FSTL5: variants seen among roughly 807,000 people sequenced by gnomAD.
The protein encoded by FSTL5 is follistatin-related protein 5.
Under a neutral mutation model 89.1 loss-of-function variants are expected in FSTL5, and 62 were observed. That is an observed-to-expected ratio of 0.70 (90% CI 0.57 to 0.86). The LOEUF is 0.86. Among genes scored for constraint, FSTL5 ranks in the 40% least tolerant of loss-of-function variants. The pLI, the probability that FSTL5 is intolerant of heterozygous loss-of-function variation, is 0.00. For synonymous variants in FSTL5, 383 were observed against 346.2 expected (o/e 1.11, Z -1.18); for missense variants, 1,057 against 1,001.6 (o/e 1.06, Z -0.75).
At chr4:161,800,401 G>A (rs1729755465) in intron 4 of FSTL5, among the ~76,000 whole-genome samples, 1 of 151,556 alleles carries the variant, frequency 6.6e-6, no homozygotes, top group Admixed American at 6.6e-5. Context: ...TTCACCACAT[G>A]GCCTGGCCAA....
At chr4:161,748,724 G>C (rs971832697) in intron 6 of FSTL5, among the ~76,000 whole-genome samples, 1 of 146,220 alleles carries the variant, frequency 6.8e-6, no homozygotes, top group Non-Finnish European at 1.5e-5. Flanking sequence ...ACTAAAATAA[G>C]ATTATTTTAA....
intron 3 of FSTL5, among the ~76,000 whole-genome samples, chr4:161,970,595 ATGC>A (rs1476200164): frequency 6.6e-6 from 1 of 152,100 alleles, no homozygotes; most frequent in African/African-American, 2.4e-5. Flanking sequence ...AAAAAGTAAA[ATGC>A]TGCCTTATGG....
intron 5 of FSTL5, among the ~76,000 whole-genome samples, chr4:161,772,858 A>G (rs7694382): frequency 0.21 from 31,861 of 152,078 alleles, 6,138 homozygotes; most frequent in African/African-American, 0.51. Flanking sequence ...AAAAATTCAT[A>G]TGGAACCAAA....
chr4:161,790,858 A>C (rs1191788443), intron 4 of FSTL5, among the ~76,000 whole-genome samples: 1 of 152,152 alleles, frequency 6.6e-6, no homozygotes, highest in Non-Finnish European at 1.5e-5. Context: ...TAACATTCTA[A>C]AGAAAGGAGC....
intron 6 of FSTL5, among the ~76,000 whole-genome samples, chr4:161,741,408 A>C (rs1740024002): frequency 2.6e-5 from 4 of 152,110 alleles, no homozygotes; most frequent in Admixed American, 1.3e-4. Context: ...TTAAAGGTAG[A>C]GGGTTGAGCC....
At chr4:161,777,363 A>C (rs1197921004) in intron 4 of FSTL5, among the ~76,000 whole-genome samples, 1 of 151,964 alleles carries the variant, frequency 6.6e-6, no homozygotes, top group East Asian at 1.9e-4. Context: ...ATAAGAGTGC[A>C]GATATCTCTT....
At chr4:161,402,485 C>T (rs1011060594) in intron 15 of FSTL5, among the ~76,000 whole-genome samples, 23 of 152,116 alleles carry the variant, frequency 1.5e-4, no homozygotes, top group African/African-American at 5.6e-4. Flanking sequence ...CTATAGATTA[C>T]ATAACTCCTT....
At chr4:161,798,383 G>A (rs1729696420) in intron 4 of FSTL5, among the ~76,000 whole-genome samples, 1 of 151,226 alleles carries the variant, frequency 6.6e-6, no homozygotes, top group Admixed American at 6.6e-5. Flanking sequence ...ACTTAATATG[G>A]AAAGTTTATC....
At chr4:161,875,151 C>A (rs1732401699) in intron 4 of FSTL5, among the ~76,000 whole-genome samples, 1 of 152,104 alleles carries the variant, frequency 6.6e-6, no homozygotes, top group African/African-American at 2.4e-5. Flanking sequence ...GGAATATATT[C>A]TTTTATTTGG....
At position 161,455,039 on chromosome 4, in the gene FSTL5, G is replaced by A. The variant is rs1733302945; in HGVS notation, c.1806C>T (p.Phe602=). 2 of 1,613,470 alleles carry A rather than the reference G, an allele frequency of 1.2e-6. No individual in the cohort carries two copies. Among genetic ancestry groups the A allele is most frequent in the Non-Finnish European group, 1.7e-6 (2 of 1,179,694 alleles). The change falls in exon 15 of 16, where the codon TTC becomes TTT. Residue 602 remains phenylalanine (F), a synonymous_variant. Coordinates refer to ENST00000306100, the MANE Select transcript of FSTL5 (RefSeq NM_020116.5). ...GKQFDRVDDF[F]IPTTTLIITH... is the part of the protein sequence containing the mutation. ...TGATAATGAGTGTTGTGGTGGGAAT[G>A]AAAAAATCATCCACTCTGTCAAATT...
chr4:161,695,627 T>C lies in FSTL5; in HGVS notation c.728-39133A>G, dbSNP rs149599110. Among the ~76,000 whole-genome samples the C allele has an allele frequency of 9.0e-4, 137 of 152,220 alleles. 1 individual carries two copies. The East Asian group carries it at 0.022, about 24-fold the overall frequency. ...GTGTAATGACTGCCAACATCCTTTGTTTTTTGATTTTTTATTATGGCCATT... is the reference window on the plus strand; with the variant it reads ...GTGTAATGACTGCCAACATCCTTTGCTTTTTGATTTTTTATTATGGCCATT... On this transcript the variant is annotated intron_variant, in intron 6 of 15. Coordinates refer to ENST00000306100, the MANE Select transcript of FSTL5 (RefSeq NM_020116.5).
At chr4:161,804,905 T>C (rs1488405651) in intron 4 of FSTL5, among the ~76,000 whole-genome samples, 1 of 152,176 alleles carries the variant, frequency 6.6e-6, no homozygotes, top group South Asian at 2.1e-4. Flanking sequence ...CTGTTACTGA[T>C]TTTTCAGTTA....
intron 6 of FSTL5, among the ~76,000 whole-genome samples, chr4:161,756,935 T>C (rs926950092): frequency 5.9e-5 from 9 of 152,200 alleles, no homozygotes; most frequent in Admixed American, 1.3e-4. Flanking sequence ...CTGTAGAAGT[T>C]GCCTACTTCT....
intron 3 of FSTL5, among the ~76,000 whole-genome samples, chr4:161,977,984 C>G (rs1250216580): frequency 6.6e-6 from 1 of 152,088 alleles, no homozygotes; most frequent in African/African-American, 2.4e-5. Flanking sequence ...GATGCAAAAT[C>G]CATTTCTTAC....
At chr4:161,725,488 G>A (rs886754706) in intron 6 of FSTL5, among the ~76,000 whole-genome samples, 1 of 150,824 alleles carries the variant, frequency 6.6e-6, no homozygotes, top group Non-Finnish European at 1.5e-5. Context: ...TTACTTGCGG[G>A]AAAATTGAAT....
chr4:161,795,236 TAA>T (rs1729599204), intron 4 of FSTL5, among the ~76,000 whole-genome samples: 1 of 152,154 alleles, frequency 6.6e-6, no homozygotes, highest in African/African-American at 2.4e-5. Flanking sequence ...TTTTTTAGTA[TAA>T]AGTTTTCACA....
At chr4:161,707,698 A>G (rs981200692) in intron 6 of FSTL5, among the ~76,000 whole-genome samples, 19 of 151,978 alleles carry the variant, frequency 1.3e-4, no homozygotes, top group African/African-American at 3.6e-4. Context: ...TTTTCCTCTT[A>G]TTTTGCAATT....
intron 12 of FSTL5, among the ~76,000 whole-genome samples, chr4:161,489,596 GTATA>G (rs1729796297): frequency 6.6e-6 from 1 of 152,104 alleles, no homozygotes; most frequent in African/African-American, 2.4e-5. Context: ...GTTTTGAATT[GTATA>G]GGAGCAGTGA....
chr4:161,995,030 A>G (rs771203746), intron 3 of FSTL5, among the ~76,000 whole-genome samples: 2 of 152,086 alleles, frequency 1.3e-5, no homozygotes, highest in Non-Finnish European at 2.9e-5. Flanking sequence ...TTTACATTTA[A>G]GTCTTTAATC....
Sources: gnomAD v4.1 joint callset for allele counts (sites outside exome capture counted in the v4.1 genomes callset) on GRCh38, gnomAD v4.1.1 for gene constraint, MANE v1.5 for transcripts, NCBI Gene and HGNC (gene_info 2026-07-23, HGNC 2026-07-21) for gene names.